The following GPC5 variants were observed in gnomAD, a reference collection of about 807,000 sequenced individuals.
GPC5 encodes glypican 5.
Under a neutral mutation model 53.9 loss-of-function variants are expected in GPC5, and 47 were observed. The ratio of observed to expected loss-of-function variants is 0.87; its 90% CI spans 0.69 to 1.11. The LOEUF is 1.11. GPC5 is among the 50% of genes most tolerant of loss of function. The pLI is 0.00. For missense variants in GPC5, 748 were observed against 713.1 expected, an observed-to-expected ratio of 1.05 and a Z score of -0.56; for synonymous variants, 286 against 263.3, an observed-to-expected ratio of 1.09 and a Z score of -0.84.
intron 7 of GPC5, among the ~76,000 whole-genome samples, chr13:92,356,822 C>A (rs1209745909): frequency 6.6e-6 from 1 of 152,206 alleles, no homozygotes; most frequent in East Asian, 1.9e-4. Flanking sequence ...GGTACTCAGT[C>A]TAGTACTCAG....
chr13:92,643,340 C>T (rs185669044), intron 7 of GPC5, among the ~76,000 whole-genome samples: 2 of 152,216 alleles, frequency 1.3e-5, no homozygotes, highest in East Asian at 3.9e-4. Flanking sequence ...GGATCTAGAA[C>T]TAGAAATACC....
rs3064719 is a variant in GPC5 at position 92,474,147 on chromosome 13, G to GT, written c.1561+329171dup. 7.6e-3 allele frequency among the ~76,000 whole-genome samples: 1,125 copies of GT among 147,920 alleles called. 5 individuals carry two copies. Among genetic ancestry groups the GT allele is most frequent in the South Asian group, 0.032 (149 of 4,720 alleles). ...CTTTCAAATTAATAGCCATTGATCT[G>GT]TTTTTTTTTTTTTCCCACAATTCTC... On this transcript the variant is annotated intron_variant, in intron 7 of 7. Coordinates refer to ENST00000377067, the MANE Select transcript of GPC5 (RefSeq NM_004466.6).
chr13:92,438,507 G>T (rs530186302), intron 7 of GPC5, among the ~76,000 whole-genome samples: 8 of 151,864 alleles, frequency 5.3e-5, no homozygotes, highest in Admixed American at 3.9e-4. Context: ...CTTGCATTGA[G>T]GGAGAGAAGA....
intron 7 of GPC5, among the ~76,000 whole-genome samples, chr13:92,787,268 C>T (rs758080897): frequency 7.7e-4 from 117 of 151,946 alleles, no homozygotes; most frequent in Non-Finnish European, 6.3e-4. Context: ...TGGAGAATAT[C>T]TTTAAAATCA....
At chr13:91,516,289 T>C (rs1052313684) in intron 2 of GPC5, among the ~76,000 whole-genome samples, 2 of 152,094 alleles carry the variant, frequency 1.3e-5, no homozygotes. Context: ...AACTAGCTAG[T>C]ACCTGGATAC....
At chr13:92,729,751 T>C (rs1246639699) in intron 7 of GPC5, among the ~76,000 whole-genome samples, 3 of 151,374 alleles carry the variant, frequency 2.0e-5, no homozygotes, top group South Asian at 2.1e-4. Flanking sequence ...ACAGGAAAGA[T>C]AGGATTGAAA....
chr13:91,608,732 T>C (rs931557425), intron 2 of GPC5, among the ~76,000 whole-genome samples: 9 of 151,990 alleles, frequency 5.9e-5, no homozygotes, highest in African/African-American at 2.2e-4. Context: ...TAAATAGATA[T>C]GAGGTAAAAG....
At chr13:91,770,366 G>A (rs1282433204) in intron 5 of GPC5, among the ~76,000 whole-genome samples, 1 of 152,068 alleles carries the variant, frequency 6.6e-6, no homozygotes, top group Non-Finnish European at 1.5e-5. Flanking sequence ...ATCATCAACT[G>A]ATTAACTCCA....
chr13:91,469,757 C>G (rs934001936), intron 2 of GPC5, among the ~76,000 whole-genome samples: 3 of 151,976 alleles, frequency 2.0e-5, no homozygotes, highest in Admixed American at 1.3e-4. Flanking sequence ...AAAAAAAATA[C>G]CTGGCTGGAT....
At chr13:91,555,599 G>T (rs1446695933) in intron 2 of GPC5, among the ~76,000 whole-genome samples, 1 of 151,978 alleles carries the variant, frequency 6.6e-6, no homozygotes, top group Non-Finnish European at 1.5e-5. Context: ...CTTGGCCTTT[G>T]CGGGTAGGTT....
chr13:92,510,462 T>C (rs1005167836), intron 7 of GPC5, among the ~76,000 whole-genome samples: 1 of 152,214 alleles, frequency 6.6e-6, no homozygotes, highest in African/African-American at 2.4e-5. Context: ...CTTTCTGTGC[T>C]CAGCTGCATA....
At chr13:92,421,563 G>A (rs1876562061) in intron 7 of GPC5, among the ~76,000 whole-genome samples, 1 of 151,850 alleles carries the variant, frequency 6.6e-6, no homozygotes, top group African/African-American at 2.4e-5. Flanking sequence ...GTCGGGCGTG[G>A]TGGCGGGCAC....
chr13:92,226,678 C>T (rs890024178), intron 7 of GPC5, among the ~76,000 whole-genome samples: 1 of 151,334 alleles, frequency 6.6e-6, no homozygotes, highest in Non-Finnish European at 1.5e-5. Context: ...CGGTCACTGC[C>T]ACCTCTGCCT....
At chr13:91,548,710 T>C (rs2030442068) in intron 2 of GPC5, among the ~76,000 whole-genome samples, 1 of 152,146 alleles carries the variant, frequency 6.6e-6, no homozygotes, top group Non-Finnish European at 1.5e-5. Flanking sequence ...AGACTTTCTA[T>C]AAAGCCACAA....
chr13:92,008,581 C>T (rs1463380559), intron 6 of GPC5, among the ~76,000 whole-genome samples: 1 of 151,886 alleles, frequency 6.6e-6, no homozygotes, highest in African/African-American at 2.4e-5. Context: ...TAAAGTTTAG[C>T]TGGATATAGA....
chr13:92,362,179 G>A (rs1295106256), intron 7 of GPC5, among the ~76,000 whole-genome samples: 1 of 133,268 alleles, frequency 7.5e-6, no homozygotes, highest in Non-Finnish European at 1.6e-5. Context: ...ACTTCAAGTT[G>A]TTGTTTCAGA....
intron 7 of GPC5, among the ~76,000 whole-genome samples, chr13:92,318,691 T>C (rs2043196197): frequency 6.6e-6 from 1 of 152,172 alleles, no homozygotes; most frequent in African/African-American, 2.4e-5. Context: ...TAATAAGCAG[T>C]AATGAGGTAT....
intron 7 of GPC5, among the ~76,000 whole-genome samples, chr13:92,643,644 G>A (rs1320385209): frequency 9.1e-5 from 13 of 143,104 alleles, no homozygotes; most frequent in African/African-American, 3.1e-4. Context: ...ACCAAACACC[G>A]CATATTCTCA....
intron 7 of GPC5, among the ~76,000 whole-genome samples, chr13:92,851,547 T>C (rs1170635746): frequency 6.6e-6 from 1 of 152,096 alleles, no homozygotes; most frequent in Non-Finnish European, 1.5e-5. Context: ...TATTATGTTT[T>C]CTCTTGAATT....
Sources: allele counts gnomAD v4.1 joint callset (sites outside exome capture counted in the v4.1 genomes callset), GRCh38; gene constraint gnomAD v4.1.1; transcripts MANE v1.5; gene names NCBI Gene and HGNC (gene_info 2026-07-23, HGNC 2026-07-21).